PTPRN2: variants seen among roughly 807,000 people sequenced by gnomAD.
PTPRN2 encodes receptor-type tyrosine-protein phosphatase N2.
In PTPRN2, 74 loss-of-function variants were observed where a neutral mutation model predicts 118.8. The ratio of observed to expected loss-of-function variants is 0.62; its 90% CI spans 0.52 to 0.76. The LOEUF is 0.76. Among genes scored for constraint, PTPRN2 ranks in the 30% least tolerant of loss-of-function variants. The pLI is 0.00. For missense variants in PTPRN2, 1,481 were observed against 1,394.4 expected (o/e 1.06, Z -0.99); for synonymous variants, 641 against 608.0 (o/e 1.05, Z -0.80).
At chr7:158,160,795 G>T (rs1250826826) in intron 6 of PTPRN2, among the ~76,000 whole-genome samples, 1 of 152,194 alleles carries the variant, frequency 6.6e-6, no homozygotes, top group Admixed American at 6.5e-5. Flanking sequence ...TAAGTGTGAT[G>T]CCCATGCAAC....
chr7:157,826,520 C>T (rs554196368), intron 12 of PTPRN2, among the ~76,000 whole-genome samples: 3 of 115,814 alleles, frequency 2.6e-5, no homozygotes, highest in African/African-American at 1.1e-4. Context: ...CGAACACGAT[C>T]GTCACAATCG....
At chr7:158,212,300 A>G (rs1827657513) in intron 3 of PTPRN2, among the ~76,000 whole-genome samples, 1 of 152,210 alleles carries the variant, frequency 6.6e-6, no homozygotes, top group Admixed American at 6.5e-5. Flanking sequence ...AGTAGAATGA[A>G]TAAGATCTGG....
intron 6 of PTPRN2, among the ~76,000 whole-genome samples, chr7:158,145,753 G>A (rs137998494): frequency 7.4e-4 from 112 of 152,252 alleles, no homozygotes; most frequent in African/African-American, 2.7e-3. Flanking sequence ...TTCCATCATT[G>A]CAGCTAGGAC....
At chr7:158,387,325 C>A (rs1811478193) in intron 2 of PTPRN2, among the ~76,000 whole-genome samples, 1 of 152,196 alleles carries the variant, frequency 6.6e-6, no homozygotes. Context: ...CCAAATAGGT[C>A]AGGGAGGGCT....
intron 11 of PTPRN2, among the ~76,000 whole-genome samples, chr7:158,041,502 G>C (rs998069501): frequency 6.6e-6 from 1 of 151,998 alleles, no homozygotes; most frequent in South Asian, 2.1e-4. Context: ...GCCTGGGGTG[G>C]TGGTACACAC....
At chr7:157,686,544 C>T (rs1469024364) in intron 12 of PTPRN2, among the ~76,000 whole-genome samples, 1 of 152,172 alleles carries the variant, frequency 6.6e-6, no homozygotes, top group East Asian at 1.9e-4. Flanking sequence ...GCGCCATCTC[C>T]CCCATGGGCA....
At chr7:158,268,994 G>A (rs77027690) in intron 3 of PTPRN2, among the ~76,000 whole-genome samples, 1,915 of 152,298 alleles carry the variant, frequency 0.013, 41 homozygotes, top group African/African-American at 0.044. Flanking sequence ...CCTGAAAATC[G>A]CAGCTTTTTG....
At chr7:158,328,629 C>T (rs1174351162) in intron 2 of PTPRN2, among the ~76,000 whole-genome samples, 2 of 151,756 alleles carry the variant, frequency 1.3e-5, no homozygotes, top group African/African-American at 4.8e-5. Flanking sequence ...AGGAGCAGGG[C>T]CCCCATTCCT....
chr7:157,542,993 A>C (rs1042544605), intron 22 of PTPRN2, among the ~76,000 whole-genome samples: 10 of 152,182 alleles, frequency 6.6e-5, no homozygotes, highest in Non-Finnish European at 1.3e-4. Context: ...GGGTCCTCGA[A>C]GGTCTGTGGC....
chr7:158,002,177 G>A (rs555870777), intron 11 of PTPRN2, among the ~76,000 whole-genome samples: 57 of 152,330 alleles, frequency 3.7e-4, no homozygotes, highest in African/African-American at 1.3e-3. Flanking sequence ...GCGGGGGCTT[G>A]AGGCAAGCAG....
chr7:157,970,783 T>C (rs545626880), intron 11 of PTPRN2, among the ~76,000 whole-genome samples: 197 of 152,166 alleles, frequency 1.3e-3, no homozygotes, highest in African/African-American at 4.6e-3. Flanking sequence ...CAGCATGCCC[T>C]CTCTGGGGCT....
chr7:158,411,769 A>C (rs1172537355), intron 2 of PTPRN2, among the ~76,000 whole-genome samples: 1 of 152,028 alleles, frequency 6.6e-6, no homozygotes, highest in Non-Finnish European at 1.5e-5. Flanking sequence ...CCCAGGTCTT[A>C]TCCAGACTCA....
At chr7:157,834,219 G>A (rs1319172019) in intron 12 of PTPRN2, among the ~76,000 whole-genome samples, 3 of 123,318 alleles carry the variant, frequency 2.4e-5, no homozygotes, top group Non-Finnish European at 4.7e-5. Flanking sequence ...CAATCAGTGA[G>A]CCAGCAGCAC....
At chr7:157,748,233 G>A (rs1404110026) in intron 12 of PTPRN2, among the ~76,000 whole-genome samples, 21 of 149,594 alleles carry the variant, frequency 1.4e-4, no homozygotes, top group Admixed American at 1.3e-3. Flanking sequence ...TGAGGCCTGC[G>A]TCCCTGAGGT....
At position 158,587,620 on chromosome 7, in the gene PTPRN2, GGCGGCAGCAGCA is replaced by G; in HGVS notation, c.38_49del (p.Leu13_Pro16del). Reference sequence around the variant, plus strand: ...CGAAGGGGCGGCAGGCAGGACGCGTGGCGGCAGCAGCAGCAGTAGCAGCAGCAGCAGCGGGAG... The same window carrying G: ...CGAAGGGGCGGCAGGCAGGACGCGTGGCAGTAGCAGCAGCAGCAGCGGGAG... On this transcript the variant is annotated inframe_deletion, in exon 1 of 23. Coordinates refer to ENST00000389418, the MANE Select transcript of PTPRN2 (RefSeq NM_002847.5). 1 of 1,361,688 alleles carries G rather than the reference GGCGGCAGCAGCA, an allele frequency of 7.3e-7. No individual in the cohort carries two copies. Among genetic ancestry groups the G allele is most frequent in the South Asian group, 1.7e-5 (1 of 57,170 alleles). 84.4% of individuals were successfully genotyped at this position (1,361,688 alleles called of 1,614,324 possible).
chr7:158,489,868 G>T, intron 1 of PTPRN2, 83 bp from the exon 2 acceptor site: 1 of 1,292,614 alleles, frequency 7.7e-7, no homozygotes, highest in Non-Finnish European at 1.1e-6. Flanking sequence ...GCCCCCTGGT[G>T]AATTTCAGAG....
intron 1 of PTPRN2, among the ~76,000 whole-genome samples, chr7:158,547,637 C>A (rs1265485090): frequency 6.6e-6 from 1 of 152,190 alleles, no homozygotes; most frequent in Non-Finnish European, 1.5e-5. Context: ...GAGGCAGGGA[C>A]CCTGCTGGTG....
chr7:158,388,386 A>G (rs1811669553), intron 2 of PTPRN2, among the ~76,000 whole-genome samples: 1 of 152,166 alleles, frequency 6.6e-6, no homozygotes, highest in South Asian at 2.1e-4. Context: ...AGCCAGCGAC[A>G]AACTCGGCTG....
chr7:157,901,312 G>A (rs1044517958), intron 11 of PTPRN2, among the ~76,000 whole-genome samples: 2 of 152,004 alleles, frequency 1.3e-5, no homozygotes, highest in African/African-American at 4.8e-5. Flanking sequence ...ATTTCAACAT[G>A]AGGCATGGCG....
Sources: allele counts gnomAD v4.1 joint callset (sites outside exome capture counted in the v4.1 genomes callset), GRCh38; gene constraint gnomAD v4.1.1; transcripts MANE v1.5; gene names NCBI Gene and HGNC (gene_info 2026-07-23, HGNC 2026-07-21).